Variants in SEPTIN9 observed in about 807,000 individuals in gnomAD.
SEPTIN9 encodes the protein septin 9, also known as septin-9.
SEPTIN9 carries 13 observed loss-of-function variants against 56.6 expected under a neutral mutation model. The observed-to-expected ratio is 0.23, with a 90% CI of 0.15 to 0.37. The LOEUF is 0.37. SEPTIN9 is among the 10% of genes least tolerant of loss of function. The probability of loss-of-function intolerance (pLI) is 1.00; values close to 1 mark genes in which losing one functional copy is unlikely to be tolerated. For synonymous variants in SEPTIN9, 332 were observed against 334.1 expected (o/e 0.99, Z 0.07); for missense variants, 650 against 823.1 (o/e 0.79, Z 2.57).
At chr17:77,420,334 A>G (rs975002656) in intron 3 of SEPTIN9, among the ~76,000 whole-genome samples, 2 of 152,170 alleles carry the variant, frequency 1.3e-5, no homozygotes, top group East Asian at 3.9e-4. Flanking sequence ...TCCTCGGAAC[A>G]CTTGCGTGCT....
chr17:77,308,162 A>G (rs1410304466), intron 2 of SEPTIN9, among the ~76,000 whole-genome samples: 4 of 152,194 alleles, frequency 2.6e-5, no homozygotes, highest in Non-Finnish European at 5.9e-5. Flanking sequence ...ACCTGTGCAT[A>G]TGTGCTGGGG....
chr17:77,281,586 G>A (rs1167099129), intron 1 of SEPTIN9, 32 bp downstream of exon 1: 1 of 1,532,240 alleles, frequency 6.5e-7, no homozygotes, highest in Non-Finnish European at 8.8e-7. Context: ...GGGAGGGGTC[G>A]GTGTCCCGGG....
At chr17:77,308,154 CTGTGCATA>C (rs2032343183) in intron 2 of SEPTIN9, among the ~76,000 whole-genome samples, 1 of 152,218 alleles carries the variant, frequency 6.6e-6, no homozygotes. Context: ...GCGTGGTCAC[CTGTGCATA>C]TGTGCTGGGG....
chr17:77,471,965 C>A (rs542421987), intron 3 of SEPTIN9, among the ~76,000 whole-genome samples: 3 of 148,082 alleles, frequency 2.0e-5, no homozygotes, highest in East Asian at 1.9e-4. Flanking sequence ...ATAAAATAGC[C>A]CCCCCCACCA....
intron 10 of SEPTIN9, among the ~76,000 whole-genome samples, chr17:77,495,842 T>C (rs2040234628): frequency 6.6e-6 from 1 of 152,210 alleles, no homozygotes; most frequent in South Asian, 2.1e-4. Context: ...CGGCCCTGCC[T>C]GCTGGCCTAC....
chr17:77,482,713 A>G, intron 4 of SEPTIN9: 1 of 583,130 alleles, frequency 1.7e-6, no homozygotes. Flanking sequence ...TCCCCACCGC[A>G]CCCCACCGCA....
At chr17:77,419,214 G>A (rs557321959) in intron 3 of SEPTIN9, among the ~76,000 whole-genome samples, 2 of 152,206 alleles carry the variant, frequency 1.3e-5, no homozygotes, top group Non-Finnish European at 2.9e-5. Flanking sequence ...CTCCCCAGGC[G>A]GGTCACACTT....
At chr17:77,373,055 C>A (rs2034772566) in intron 2 of SEPTIN9, 1 of 373,864 alleles carries the variant, frequency 2.7e-6, no homozygotes, top group African/African-American at 2.2e-5. Flanking sequence ...CACATCTGGC[C>A]GCAGCGGGGC....
chr17:77,438,175 G>C (rs2037419638), intron 3 of SEPTIN9, among the ~76,000 whole-genome samples: 1 of 152,206 alleles, frequency 6.6e-6, no homozygotes, highest in African/African-American at 2.4e-5. Flanking sequence ...GGCGAGGAGG[G>C]AACAGATGCT....
chr17:77,450,674 G>T lies in SEPTIN9; in HGVS notation c.722-31470G>T, dbSNP rs541724615. The stretch of plus-strand genomic sequence containing the variant: ...CCAGCACATCCCAGGCCTGCAGGGA[G>T]GGGGAGAGGAAGAGACTGACTCACT... On this transcript the variant is annotated intron_variant, in intron 3 of 11. Coordinates refer to ENST00000427177, the MANE Select transcript of SEPTIN9 (RefSeq NM_001113491.2). The surrounding 1 kb of genome is among the most constrained non-coding windows in gnomAD (Gnocchi z 6.0). 1.0e-6 allele frequency: 1 copy of T among 986,266 alleles called. No homozygotes were observed. The highest frequency in any genetic ancestry group is 1.2e-6 in the Non-Finnish European group (1 of 830,676). 61.1% of individuals were successfully genotyped at this position (986,266 alleles called of 1,614,324 possible). A position where few individuals can be genotyped will look rare whatever the true frequency, so the allele number is the denominator to read the frequency against.
intron 2 of SEPTIN9, among the ~76,000 whole-genome samples, chr17:77,363,127 G>T (rs1302541352): frequency 6.6e-6 from 1 of 152,212 alleles, no homozygotes; most frequent in Non-Finnish European, 1.5e-5. Flanking sequence ...TGCCCAGGAC[G>T]GTGGGCAGGG....
chr17:77,341,428 C>T (rs934694221), intron 2 of SEPTIN9, among the ~76,000 whole-genome samples: 1 of 152,220 alleles, frequency 6.6e-6, no homozygotes, highest in Non-Finnish European at 1.5e-5. Context: ...AGTTCACTGT[C>T]TTATCTGGAT....
intron 1 of SEPTIN9, among the ~76,000 whole-genome samples, chr17:77,300,529 C>T (rs1482325335): frequency 1.3e-5 from 2 of 152,178 alleles, no homozygotes; most frequent in African/African-American, 2.4e-5. Flanking sequence ...ATCTCCTTAT[C>T]TCAGCTTCCT....
At chr17:77,315,553 T>C (rs2032666305) in intron 2 of SEPTIN9, among the ~76,000 whole-genome samples, 1 of 152,222 alleles carries the variant, frequency 6.6e-6, no homozygotes, top group Non-Finnish European at 1.5e-5. Context: ...CCCAAAGTGC[T>C]GGGATTACAG....
At chr17:77,448,212 C>T (rs902064681) in intron 3 of SEPTIN9, among the ~76,000 whole-genome samples, 5 of 152,244 alleles carry the variant, frequency 3.3e-5, no homozygotes, top group African/African-American at 9.6e-5. Flanking sequence ...GTGGCTCACG[C>T]GTGTAATCTC....
chr17:77,372,873 G>T (rs1016410525), intron 2 of SEPTIN9, among the ~76,000 whole-genome samples: 6 of 152,256 alleles, frequency 3.9e-5, no homozygotes, highest in African/African-American at 1.4e-4. Flanking sequence ...AGCCGCGTGC[G>T]CTGCCGTTTA....
chr17:77,443,695 G>A (rs1490571711), intron 3 of SEPTIN9, among the ~76,000 whole-genome samples: 1 of 152,064 alleles, frequency 6.6e-6, no homozygotes, highest in Non-Finnish European at 1.5e-5. Context: ...TACGGGGGAG[G>A]CTGTGGCAGA....
intron 6 of SEPTIN9, 42 bp downstream of exon 6, chr17:77,488,363 G>A: frequency 6.4e-7 from 1 of 1,559,072 alleles, no homozygotes; most frequent in Non-Finnish European, 8.8e-7. Context: ...GGGGGCTTCA[G>A]GGCTCCCTGG....
Position 77,433,365 on chromosome 17 carries a change from C to T in SEPTIN9, c.721+30662C>T, listed in dbSNP as rs1568065623. On this transcript the variant is annotated intron_variant, in intron 3 of 11. Coordinates refer to ENST00000427177, the MANE Select transcript of SEPTIN9 (RefSeq NM_001113491.2). The surrounding 1 kb of genome is among the most constrained non-coding windows in gnomAD (Gnocchi z 6.4). ...TGCCCCAAGGAGCAGAAAGGGGGTTCGCTAGGTCAGGGTGGGGCTGGGTGC... is the reference window on the plus strand; with the variant it reads ...TGCCCCAAGGAGCAGAAAGGGGGTTTGCTAGGTCAGGGTGGGGCTGGGTGC... Among the ~76,000 whole-genome samples the T allele has an allele frequency of 2.0e-5, 3 of 151,998 alleles. No homozygotes were observed. Among genetic ancestry groups the T allele is most frequent in the African/African-American group, 4.8e-5 (2 of 41,370 alleles).
Sources: allele counts gnomAD v4.1 joint callset (sites outside exome capture counted in the v4.1 genomes callset), GRCh38; gene constraint gnomAD v4.1.1; non-coding constraint Gnocchi (gnomAD v3.1); transcripts MANE v1.5; gene names NCBI Gene and HGNC (gene_info 2026-07-23, HGNC 2026-07-21).